The following NT5C3A variants were observed in gnomAD, a reference collection of about 807,000 sequenced individuals.
The protein encoded by NT5C3A is 5'-nucleotidase, cytosolic IIIA.
NT5C3A carries 23 observed loss-of-function variants against 40.0 expected under a neutral mutation model. That is an observed-to-expected ratio of 0.58 (90% CI 0.41 to 0.81). NT5C3A has a LOEUF of 0.81. NT5C3A is among the 40% of genes least tolerant of loss of function. NT5C3A has a pLI of 0.00. For missense variants in NT5C3A, 328 were observed against 403.0 expected, an observed-to-expected ratio of 0.81 and a Z score of 1.59; for synonymous variants, 130 against 141.4, an observed-to-expected ratio of 0.92 and a Z score of 0.57.
At chr7:33,051,464 C>G (rs1213236537) in intron 1 of NT5C3A, among the ~76,000 whole-genome samples, 1 of 151,962 alleles carries the variant, frequency 6.6e-6, no homozygotes, top group African/African-American at 2.4e-5. Flanking sequence ...GCCTGGCCAA[C>G]TGAACTATTT....
At chr7:33,036,876 A>T (rs915354565) in intron 1 of NT5C3A, among the ~76,000 whole-genome samples, 1 of 151,834 alleles carries the variant, frequency 6.6e-6, no homozygotes, top group Admixed American at 6.6e-5. Context: ...CAGTGGCATG[A>T]TCTCAGCTCA....
chr7:33,038,755 G>T, intron 1 of NT5C3A: 1 of 431,248 alleles, frequency 2.3e-6, no homozygotes, highest in South Asian at 1.7e-5. Context: ...GAAAATTAGG[G>T]CAGAGTATTT....
intron 1 of NT5C3A, among the ~76,000 whole-genome samples, chr7:33,049,179 T>C (rs1294650335): frequency 1.3e-5 from 2 of 151,670 alleles, no homozygotes; most frequent in African/African-American, 4.9e-5. Flanking sequence ...ACTAAGAACA[T>C]ATTCTTTATT....
intron 1 of NT5C3A, among the ~76,000 whole-genome samples, chr7:33,028,686 T>G (rs566711417): frequency 6.6e-6 from 1 of 152,308 alleles, no homozygotes; most frequent in East Asian, 1.9e-4. Flanking sequence ...GTGTTGTTCC[T>G]ACATAATGGG....
At chr7:33,027,059 C>A in intron 1 of NT5C3A, 144 bp from the exon 2 acceptor site, 3 of 598,726 alleles carry the variant, frequency 5.0e-6, no homozygotes, top group Non-Finnish European at 5.8e-6. Context: ...ATCAAATTAC[C>A]GTTTATTTAT....
chr7:33,020,939 G>A (rs1281047515), intron 5 of NT5C3A, among the ~76,000 whole-genome samples: 3 of 152,074 alleles, frequency 2.0e-5, no homozygotes, highest in Admixed American at 6.6e-5. Context: ...TCTGAGTTCA[G>A]ACTCAGTTTA....
chr7:33,026,778 G>T, intron 2 of NT5C3A, 39 bp downstream of exon 2: 2 of 1,383,166 alleles, frequency 1.4e-6, no homozygotes, highest in Non-Finnish European at 1.0e-6. Context: ...ACAGGCATGA[G>T]CCAACACACA....
chr7:33,059,789 TTTGTCTCCTGATCCC>T (rs1411579465), intron 1 of NT5C3A, among the ~76,000 whole-genome samples: 1 of 152,218 alleles, frequency 6.6e-6, no homozygotes, highest in African/African-American at 2.4e-5. Flanking sequence ...CTCGGAAATG[TTTGTCTCCTGATCCC>T]TTATTTCCAT....
At chr7:33,032,141 A>G (rs903234209) in intron 1 of NT5C3A, among the ~76,000 whole-genome samples, 2 of 148,816 alleles carry the variant, frequency 1.3e-5, no homozygotes, top group Non-Finnish European at 3.0e-5. Flanking sequence ...AAACAAAAAA[A>G]GGCCAGGCAC....
intron 8 of NT5C3A, among the ~76,000 whole-genome samples, 195 bp downstream of exon 8, chr7:33,015,475 A>G (rs1491004293): frequency 6.6e-6 from 1 of 151,990 alleles, no homozygotes; most frequent in Non-Finnish European, 1.5e-5. Context: ...AGGTGGGAGC[A>G]TTGCTTGAGC....
At chr7:33,047,526 T>C (rs1189287692) in intron 1 of NT5C3A, among the ~76,000 whole-genome samples, 3 of 152,184 alleles carry the variant, frequency 2.0e-5, no homozygotes, top group East Asian at 1.9e-4. Flanking sequence ...CATTTTTAAA[T>C]AGTTATGATA....
chr7:33,023,928 C>A, intron 3 of NT5C3A, 111 bp downstream of exon 3: 1 of 719,782 alleles, frequency 1.4e-6, no homozygotes, highest in South Asian at 1.5e-5. Context: ...TCCTCACTGT[C>A]AATGTCCAAG....
intron 1 of NT5C3A, among the ~76,000 whole-genome samples, chr7:33,030,414 C>T (rs1424179891): frequency 6.6e-6 from 1 of 152,090 alleles, no homozygotes; most frequent in Admixed American, 6.5e-5. Flanking sequence ...AATAATGATA[C>T]TTCAAATTTG....
At chr7:33,060,365 C>A (rs1355400147) in intron 1 of NT5C3A, among the ~76,000 whole-genome samples, 2 of 127,524 alleles carry the variant, frequency 1.6e-5, no homozygotes, top group Non-Finnish European at 3.2e-5. Flanking sequence ...ATCTTGCTTT[C>A]CTTCTTTTTT....
intron 2 of NT5C3A, among the ~76,000 whole-genome samples, chr7:33,026,353 G>GAAAAA (rs1226260693): frequency 0.21 from 19,553 of 94,026 alleles, 3,180 homozygotes; most frequent in East Asian, 0.37. Flanking sequence ...CATCTCAAAA[G>GAAAAA]AAAAAAAAAA....
chr7:33,061,874 T>C (rs1280574244), intron 1 of NT5C3A, among the ~76,000 whole-genome samples: 2 of 152,198 alleles, frequency 1.3e-5, no homozygotes, highest in African/African-American at 2.4e-5. Flanking sequence ...CAATTACTTA[T>C]AATGTATCTC....
At chr7:33,026,952 T>G in intron 1 of NT5C3A, 37 bp from the exon 2 acceptor site, 2 of 1,418,190 alleles carry the variant, frequency 1.4e-6, no homozygotes, top group Middle Eastern at 3.6e-4. Context: ...TAGTTTTCAT[T>G]CTTCTTTCCC....
rs2893457 is a variant in NT5C3A, at chr7:33,015,098, C to T, written c.895-267G>A. Among the ~76,000 whole-genome samples the T allele has an allele frequency of 0.72, 110,098 of 151,932 alleles. 40,172 individuals carry two copies. Among genetic ancestry groups the T allele is most frequent in the African/African-American group, 0.79 (32,583 of 41,430 alleles). ...TTTTTGTCCACGGAACATTTAGTAACGTCTAGGGACATTTTTGAGTCTCAT... is the reference window on the plus strand; with the variant it reads ...TTTTTGTCCACGGAACATTTAGTAATGTCTAGGGACATTTTTGAGTCTCAT... On this transcript the variant is annotated intron_variant, in intron 8 of 8. Transcript: ENST00000610140.
chr7:33,039,012 A>C, intron 1 of NT5C3A: 1 of 416,696 alleles, frequency 2.4e-6, no homozygotes, highest in South Asian at 1.7e-5. Flanking sequence ...GAAAATAATT[A>C]CTTTGTGTGC....
Sources: allele counts gnomAD v4.1 joint callset (sites outside exome capture counted in the v4.1 genomes callset), GRCh38; gene constraint gnomAD v4.1.1; transcripts MANE v1.5; gene names NCBI Gene and HGNC (gene_info 2026-07-23, HGNC 2026-07-21).